The following DLGAP2 variants were observed in gnomAD, a reference collection of about 807,000 sequenced individuals.
DLGAP2 encodes DLG associated protein 2.
A neutral mutation model predicts 100.3 loss-of-function variants in DLGAP2; 26 were observed. The ratio of observed to expected loss-of-function variants is 0.26; its 90% CI spans 0.19 to 0.36. The LOEUF (loss-of-function observed/expected upper bound fraction) is 0.36, where lower values mean the gene tolerates loss of function less well. Among genes scored for constraint, DLGAP2 ranks in the 10% least tolerant of loss-of-function variants. The pLI, the probability that DLGAP2 is intolerant of heterozygous loss-of-function variation, is 1.00. For synonymous variants in DLGAP2, 886 were observed against 630.1 expected, an observed-to-expected ratio of 1.41 and a Z score of -6.08; for missense variants, 1,858 against 1,453.2, an observed-to-expected ratio of 1.28 and a Z score of -4.53.
intron 2 of DLGAP2, among the ~76,000 whole-genome samples, chr8:1,179,795 A>G (rs1210166438): frequency 1.3e-5 from 2 of 152,228 alleles, no homozygotes; most frequent in Non-Finnish European, 2.9e-5. Flanking sequence ...AAAATATTTT[A>G]GGGTTCACGG....
At chr8:1,541,835 G>C (rs970107943) in intron 4 of DLGAP2, among the ~76,000 whole-genome samples, 6 of 152,168 alleles carry the variant, frequency 3.9e-5, no homozygotes, top group African/African-American at 1.4e-4. Flanking sequence ...CTTTTCATGA[G>C]GAACTGAAGC....
intron 3 of DLGAP2, among the ~76,000 whole-genome samples, chr8:1,380,536 G>C (rs769150869): frequency 5.9e-4 from 89 of 152,114 alleles, no homozygotes; most frequent in Admixed American, 9.2e-4. Flanking sequence ...TTCTGAGAAA[G>C]TGTGCGGGCC....
At chr8:751,526 C>G (rs1465785548) in intron 1 of DLGAP2, among the ~76,000 whole-genome samples, 2 of 152,208 alleles carry the variant, frequency 1.3e-5, no homozygotes, top group Admixed American at 1.3e-4. Context: ...AAAAACTTGT[C>G]TCTGAGTTTC....
chr8:786,589 C>A (rs1821873938), intron 1 of DLGAP2, among the ~76,000 whole-genome samples: 1 of 152,060 alleles, frequency 6.6e-6, no homozygotes. Flanking sequence ...CGCACAGTTC[C>A]CTCAGAGACC....
chr8:1,008,986 C>T (rs995090789), intron 2 of DLGAP2, among the ~76,000 whole-genome samples: 3 of 152,256 alleles, frequency 2.0e-5, no homozygotes, highest in Non-Finnish European at 2.9e-5. Flanking sequence ...CTGCCATGGC[C>T]AGACCCTTCC....
Position 941,322 on chromosome 8 carries a change from T to A in DLGAP2, c.73+33356T>A, listed in dbSNP as rs574053175. On this transcript the variant is annotated intron_variant, in intron 2 of 14. Coordinates refer to ENST00000637795, the MANE Select transcript of DLGAP2 (RefSeq NM_001346810.2). ...TTTGGGAAAAGCCAGTGGCTTTTCT[T>A]GGGCAGCGGCAAGGTGAGATGTACC... 2.6e-5 allele frequency among the ~76,000 whole-genome samples: 4 copies of A among 152,100 alleles called. No homozygotes were observed. The South Asian group carries it at 8.3e-4, about 32-fold the overall frequency.
chr8:853,105 C>A (rs920927781), intron 1 of DLGAP2, among the ~76,000 whole-genome samples: 1 of 152,190 alleles, frequency 6.6e-6, no homozygotes, highest in African/African-American at 2.4e-5. Context: ...TAACATTGCA[C>A]TTAGGTGTGT....
intron 2 of DLGAP2, among the ~76,000 whole-genome samples, chr8:1,149,653 A>G (rs1796665192): frequency 6.6e-6 from 1 of 152,252 alleles, no homozygotes; most frequent in African/African-American, 2.4e-5. Context: ...GACTGTATAT[A>G]TTAAATGTAA....
chr8:1,264,129 A>T (rs1799405035), intron 3 of DLGAP2, among the ~76,000 whole-genome samples: 1 of 151,354 alleles, frequency 6.6e-6, no homozygotes, highest in Non-Finnish European at 1.5e-5. Flanking sequence ...AATATGTAAC[A>T]CAATTTATTT....
rs544545261 is a variant in DLGAP2 at position 963,073 on chromosome 8, G to A, written c.73+55107G>A. On this transcript the variant is annotated intron_variant, in intron 2 of 14. Coordinates refer to ENST00000637795, the MANE Select transcript of DLGAP2 (RefSeq NM_001346810.2). ...GGACTGTGTGGGCTTCGGTGCGGGC[G>A]CCATCCAGGAAAGCACCAGTGACAT... 1.5e-3 allele frequency among the ~76,000 whole-genome samples: 231 copies of A among 152,122 alleles called. 1 individual carries two copies. Among genetic ancestry groups the A allele is most frequent in the Middle Eastern group, 6.8e-3 (2 of 294 alleles).
At chr8:1,687,414 C>T (rs535130225) in intron 12 of DLGAP2, among the ~76,000 whole-genome samples, 19 of 152,226 alleles carry the variant, frequency 1.2e-4, no homozygotes, top group African/African-American at 4.3e-4. Flanking sequence ...TAAACTATGG[C>T]AAAATTAGAG....
intron 3 of DLGAP2, among the ~76,000 whole-genome samples, chr8:1,374,856 G>C (rs1489454140): frequency 6.6e-6 from 1 of 152,188 alleles, no homozygotes; most frequent in African/African-American, 2.4e-5. Flanking sequence ...GGACTCCGGT[G>C]CCGCACGGCC....
In DLGAP2 at chr8:1,288,190, A is replaced by AGTGTGT. The variant is rs1179699312; in HGVS notation, c.106+29329_106+29334dup. Among the ~76,000 whole-genome samples the AGTGTGT allele has an allele frequency of 5.9e-4, 55 of 93,652 alleles. No homozygotes were observed. In the South Asian group the frequency reaches 8.2e-3, roughly 14 times the overall value. The allele number at this position is 93,652 out of a possible 152,430, so 61.4% of individuals were successfully genotyped here. On this transcript the variant is annotated intron_variant, in intron 3 of 14. Coordinates refer to ENST00000637795, the MANE Select transcript of DLGAP2 (RefSeq NM_001346810.2). ...TTAGGAGGGGAACTAGTTTCGGTTG[A>AGTGTGT]GTGTGTGTGTGTGTGTGTGTGTGTG...
chr8:1,605,239 G>T (rs1444217583), intron 6 of DLGAP2, among the ~76,000 whole-genome samples: 5 of 152,130 alleles, frequency 3.3e-5, no homozygotes, highest in Admixed American at 3.3e-4. Flanking sequence ...CGGACCTCCT[G>T]ACCTCCACTC....
At chr8:977,711 T>C (rs1800202714) in intron 2 of DLGAP2, among the ~76,000 whole-genome samples, 1 of 129,004 alleles carries the variant, frequency 7.8e-6, no homozygotes, top group Admixed American at 9.1e-5. Context: ...CATAGAATTT[T>C]AGTAATGTGG....
chr8:1,532,332 C>G (rs1445395713), intron 4 of DLGAP2, among the ~76,000 whole-genome samples: 2 of 152,150 alleles, frequency 1.3e-5, no homozygotes, highest in African/African-American at 4.8e-5. Context: ...TATCTAAATG[C>G]TTTATAAATT....
At chr8:1,474,454 C>T (rs1046523437) in intron 3 of DLGAP2, among the ~76,000 whole-genome samples, 1 of 152,208 alleles carries the variant, frequency 6.6e-6, no homozygotes, top group Non-Finnish European at 1.5e-5. Context: ...GGAATCTCCT[C>T]ACTGTTTTCC....
chr8:1,478,153 G>C (rs747266039), intron 3 of DLGAP2, among the ~76,000 whole-genome samples: 2 of 152,210 alleles, frequency 1.3e-5, no homozygotes, highest in Middle Eastern at 6.8e-3. Flanking sequence ...TTAAATCTGG[G>C]TGTCTGTCCA....
intron 1 of DLGAP2, among the ~76,000 whole-genome samples, chr8:815,196 C>G (rs544631274): frequency 6.6e-6 from 1 of 152,152 alleles, no homozygotes; most frequent in African/African-American, 2.4e-5. Context: ...GCCACGAGTC[C>G]AAAGTCAAAG....
Sources: allele counts gnomAD v4.1 joint callset (sites outside exome capture counted in the v4.1 genomes callset), GRCh38; gene constraint gnomAD v4.1.1; transcripts MANE v1.5; gene names NCBI Gene and HGNC (gene_info 2026-07-23, HGNC 2026-07-21).